Variants in ADAM19 observed in about 807,000 individuals in gnomAD.
ADAM19 encodes disintegrin and metalloproteinase domain-containing protein 19.
In ADAM19, 65 loss-of-function variants were observed where a neutral mutation model predicts 114.7. That is an observed-to-expected ratio of 0.57 (90% CI 0.46 to 0.70). The LOEUF (loss-of-function observed/expected upper bound fraction) is 0.70. ADAM19 is among the 30% of genes least tolerant of loss of function. The pLI is 0.00. For synonymous variants in ADAM19, 466 were observed against 460.5 expected (o/e 1.01, Z -0.15); for missense variants, 1,063 against 1,204.7 (o/e 0.88, Z 1.74).
chr5:157,518,663 C>T (rs1040166636), intron 7 of ADAM19, among the ~76,000 whole-genome samples, 160 bp downstream of exon 7: 2 of 152,238 alleles, frequency 1.3e-5, no homozygotes, highest in African/African-American at 2.4e-5. Context: ...GGATTACAGG[C>T]GTGAGCCGCC....
chr5:157,518,995 A>C, intron 6 of ADAM19, 107 bp from the exon 7 acceptor site: 1 of 926,096 alleles, frequency 1.1e-6, no homozygotes, highest in Non-Finnish European at 1.8e-6. Context: ...TACCTCCGTA[A>C]TGATTTTGTC....
intron 1 of ADAM19, 128 bp downstream of exon 1, chr5:157,575,475 G>A (rs1166220220): frequency 3.2e-6 from 2 of 628,204 alleles, no homozygotes; most frequent in Non-Finnish European, 4.9e-6. Context: ...GGCTGGGGAC[G>A]GCGGGGGCGC....
At chr5:157,534,701 G>A (rs564919744) in intron 4 of ADAM19, among the ~76,000 whole-genome samples, 1 of 152,302 alleles carries the variant, frequency 6.6e-6, no homozygotes, top group Admixed American at 6.5e-5. Flanking sequence ...ACTGCTTGCT[G>A]AACAACTTAG....
chr5:157,544,497 G>T (rs1756999011), intron 3 of ADAM19, among the ~76,000 whole-genome samples: 1 of 152,158 alleles, frequency 6.6e-6, no homozygotes, highest in South Asian at 2.1e-4. Flanking sequence ...TGACTCCTTT[G>T]GCCAGCAGGG....
chr5:157,493,133 C>G lies in ADAM19; in HGVS notation c.1748G>C (p.Arg583Pro). ...GKIQCQSSEA[R>P]PLESNAVPID... ...GGGCACCGCGTTGGACTCCAGGGGCCGGGCCTCAGAGCTCTGACACTGGAT... is the reference window on the plus strand; with the variant it reads ...GGGCACCGCGTTGGACTCCAGGGGCGGGGCCTCAGAGCTCTGACACTGGAT... The change falls in exon 16 of 23, where the codon CGG becomes CCG. Residue 583 changes from arginine to proline, a missense_variant. This residue lies in a region of ADAM19 where 424 missense variants were observed against 445.5 expected (regional missense o/e 0.95). Coordinates refer to ENST00000257527, the MANE Select transcript of ADAM19 (RefSeq NM_033274.5). 1 of 1,614,198 alleles carries G rather than the reference C, an allele frequency of 6.2e-7. No homozygotes were observed. The highest frequency in any genetic ancestry group is 8.5e-7 in the Non-Finnish European group (1 of 1,180,038).
At chr5:157,559,967 T>C (rs1757466311) in intron 3 of ADAM19, among the ~76,000 whole-genome samples, 1 of 152,172 alleles carries the variant, frequency 6.6e-6, no homozygotes, top group African/African-American at 2.4e-5. Flanking sequence ...CAGAGCATCC[T>C]TTAAAGAGGT....
intron 3 of ADAM19, among the ~76,000 whole-genome samples, chr5:157,538,496 C>T (rs1239731286): frequency 1.3e-5 from 2 of 152,296 alleles, no homozygotes; most frequent in South Asian, 2.1e-4. Flanking sequence ...GTATTTCAAG[C>T]GAAGCCAGTG....
rs570616987 is a variant in ADAM19, at chr5:157,563,152, C to T, written c.251+1221G>A. 2.9e-3 allele frequency among the ~76,000 whole-genome samples: 436 copies of T among 152,066 alleles called. 4 individuals are homozygous for T. Among genetic ancestry groups the T allele is most frequent in the Non-Finnish European group, 5.4e-3 (369 of 68,002 alleles). ...CAATAGACGCTGCACTGTCTAGGGA[C>T]GCAGCTGGCCAGGTCTATTCCAGGG... is the stretch of plus-strand genomic sequence containing the variant. On this transcript the variant is annotated intron_variant, in intron 3 of 22. Coordinates refer to ENST00000257527, the MANE Select transcript of ADAM19 (RefSeq NM_033274.5).
chr5:157,553,921 GTTTAA>G (rs901217279), intron 3 of ADAM19, among the ~76,000 whole-genome samples: 2 of 151,964 alleles, frequency 1.3e-5, no homozygotes, highest in Admixed American at 6.6e-5. Context: ...TCTATAACTT[GTTTAA>G]TTTTTCTCTG....
chr5:157,546,729 G>C (rs1384496328), intron 3 of ADAM19, among the ~76,000 whole-genome samples: 1 of 152,214 alleles, frequency 6.6e-6, no homozygotes, highest in African/African-American at 2.4e-5. Flanking sequence ...GATGCAAGAG[G>C]AGAAAACGTG....
At chr5:157,560,264 C>CA (rs35731498) in intron 3 of ADAM19, among the ~76,000 whole-genome samples, 2,846 of 51,652 alleles carry the variant, frequency 0.055, 305 homozygotes, top group Non-Finnish European at 0.063. Flanking sequence ...GACTCCGTCT[C>CA]AAAAAAAAAA....
intron 5 of ADAM19, among the ~76,000 whole-genome samples, chr5:157,524,984 C>T (rs912628420): frequency 3.3e-5 from 5 of 152,238 alleles, no homozygotes; most frequent in South Asian, 2.1e-4. Flanking sequence ...GTTCTCAGCT[C>T]GGGAAATAGC....
intron 8 of ADAM19, among the ~76,000 whole-genome samples, chr5:157,511,089 A>G (rs1755905857): frequency 6.6e-6 from 1 of 152,222 alleles, no homozygotes; most frequent in Admixed American, 6.5e-5. Flanking sequence ...ACCTCATACA[A>G]ATATAAGCAG....
chr5:157,486,140 A>G (rs982725873), intron 21 of ADAM19, among the ~76,000 whole-genome samples: 6 of 152,204 alleles, frequency 3.9e-5, no homozygotes, highest in Admixed American at 3.3e-4. Context: ...CCAGGGCAGG[A>G]GGCTGTCTCA....
Position 157,478,852 on chromosome 5 carries a change from C to T in ADAM19, c.*2097G>A. The T allele has an allele frequency of 1.0e-6, 1 of 985,852 alleles. No individual in the cohort carries two copies. Among genetic ancestry groups the T allele is most frequent in the Non-Finnish European group, 1.2e-6 (1 of 829,932 alleles). 61.1% of individuals were successfully genotyped at this position (985,852 alleles called of 1,614,324 possible). ...GAGGGTGGACTGCAGGTTCAGATGG[C>T]TCATGCAGTCACTATGGCTGTGGCG... is the stretch of plus-strand genomic sequence containing the variant. On this transcript the variant is annotated 3_prime_UTR_variant, in exon 23 of 23. Transcript: ENST00000257527.
intron 5 of ADAM19, among the ~76,000 whole-genome samples, chr5:157,529,579 G>C (rs745394442): frequency 2.0e-4 from 31 of 152,194 alleles, no homozygotes; most frequent in Non-Finnish European, 3.2e-4. Context: ...CTGAGATGCT[G>C]CATTTCGAAC....
intron 12 of ADAM19, 42 bp from the exon 13 acceptor site, chr5:157,499,704 C>T: frequency 7.3e-7 from 1 of 1,374,686 alleles, no homozygotes; most frequent in East Asian, 2.4e-5. Flanking sequence ...GGAGGGCCTT[C>T]ACCACCCCCA....
At chr5:157,483,779 A>G (rs6556052) in intron 21 of ADAM19, among the ~76,000 whole-genome samples, 42,021 of 151,484 alleles carry the variant, frequency 0.28, 6,525 homozygotes, top group East Asian at 0.72. Context: ...GATTACAGGC[A>G]CCCACCACCA....
chr5:157,518,736 G>C, intron 7 of ADAM19, 87 bp downstream of exon 7: 1 of 1,069,596 alleles, frequency 9.3e-7, no homozygotes, highest in Non-Finnish European at 1.5e-6. Context: ...AGATGAATGG[G>C]CAACATTTCC....
Sources: allele counts gnomAD v4.1 joint callset (sites outside exome capture counted in the v4.1 genomes callset), GRCh38; gene constraint gnomAD v4.1.1; regional missense constraint gnomAD v4.1.1; transcripts MANE v1.5; gene names NCBI Gene and HGNC (gene_info 2026-07-23, HGNC 2026-07-21).